The following SLC39A11 variants were observed in gnomAD, a reference collection of about 807,000 sequenced individuals.
The protein encoded by SLC39A11 is zinc transporter ZIP11.
A neutral mutation model predicts 36.1 loss-of-function variants in SLC39A11; 33 were observed. The observed-to-expected ratio is 0.91, with a 90% CI of 0.69 to 1.22. The LOEUF (loss-of-function observed/expected upper bound fraction) is 1.22. SLC39A11 is among the 50% of genes most tolerant of loss of function. The probability of loss-of-function intolerance (pLI) is 0.00; values close to 1 mark genes in which losing one functional copy is unlikely to be tolerated. For missense variants in SLC39A11, 432 were observed against 430.3 expected, an observed-to-expected ratio of 1.00 and a Z score of -0.03; for synonymous variants, 166 against 170.3, an observed-to-expected ratio of 0.97 and a Z score of 0.20.
At chr17:73,023,807 G>C (rs997450071) in intron 4 of SLC39A11, among the ~76,000 whole-genome samples, 1 of 152,168 alleles carries the variant, frequency 6.6e-6, no homozygotes, top group Non-Finnish European at 1.5e-5. Flanking sequence ...GTGCTGTTTG[G>C]GTGGGCCTTG....
intron 3 of SLC39A11, among the ~76,000 whole-genome samples, chr17:73,062,549 A>T (rs2059880673): frequency 6.6e-6 from 1 of 151,302 alleles, no homozygotes; most frequent in Non-Finnish European, 1.5e-5. Flanking sequence ...TTAAATTGCC[A>T]CCTTCAATAG....
intron 1 of SLC39A11, among the ~76,000 whole-genome samples, chr17:73,090,374 G>A (rs542185128): frequency 6.6e-6 from 1 of 152,182 alleles, no homozygotes; most frequent in East Asian, 1.9e-4. Flanking sequence ...CACCAACTGT[G>A]AAAACTGTGA....
At chr17:73,073,975 C>T (rs1160912524) in intron 3 of SLC39A11, 1 of 151,792 alleles carries the variant, frequency 6.6e-6, no homozygotes, top group African/African-American at 2.4e-5. Context: ...TCCAACACCC[C>T]TCACATTCCA....
chr17:72,672,192 T>A (rs1196907152), intron 7 of SLC39A11, among the ~76,000 whole-genome samples: 2 of 152,208 alleles, frequency 1.3e-5, no homozygotes, highest in African/African-American at 4.8e-5. Flanking sequence ...CTCATGCCTA[T>A]AATCTCAGCA....
intron 5 of SLC39A11, among the ~76,000 whole-genome samples, chr17:72,908,124 G>A (rs968461970): frequency 3.9e-5 from 6 of 152,098 alleles, no homozygotes; most frequent in African/African-American, 1.4e-4. Flanking sequence ...CTATGTTCTG[G>A]CATCCAGGGC....
intron 7 of SLC39A11, among the ~76,000 whole-genome samples, chr17:72,685,580 T>C (rs1173685933): frequency 6.6e-6 from 1 of 152,228 alleles, no homozygotes; most frequent in Non-Finnish European, 1.5e-5. Flanking sequence ...AAAGGTCAGT[T>C]TTCATCTGAC....
At chr17:72,971,303 C>T (rs1383447115) in intron 4 of SLC39A11, among the ~76,000 whole-genome samples, 1 of 151,246 alleles carries the variant, frequency 6.6e-6, no homozygotes, top group East Asian at 1.9e-4. Context: ...CTGCTCACCC[C>T]CTCCACACAC....
intron 7 of SLC39A11, among the ~76,000 whole-genome samples, chr17:72,657,876 G>A (rs1401892968): frequency 6.6e-6 from 1 of 152,190 alleles, no homozygotes; most frequent in Non-Finnish European, 1.5e-5. Context: ...TTAGCCCCTT[G>A]GATCTACTGC....
rs1266786709 is a variant in SLC39A11 at position 73,004,212 on chromosome 17, AAAGAAAGAAAGAAAG to A, written c.306+27329_306+27343del. Among the ~76,000 whole-genome samples the A allele has an allele frequency of 6.1e-5, 8 of 130,932 alleles. 1 individual carries two copies. Among genetic ancestry groups the A allele is most frequent in the Admixed American group, 3.2e-4 (4 of 12,606 alleles). 85.9% of individuals were successfully genotyped at this position (130,932 alleles called of 152,430 possible). ...GAAAGAAAGAAAGAAAGAAAGAAAG[AAAGAAAGAAAGAAAG>A]AAAGAAAAGAAAGAAAGAGAAAAAG... is the stretch of plus-strand genomic sequence containing the variant. On this transcript the variant is annotated intron_variant, in intron 4 of 9. Transcript: ENST00000255559.
chr17:72,670,198 C>G (rs1313135833), intron 7 of SLC39A11, among the ~76,000 whole-genome samples: 1 of 85,134 alleles, frequency 1.2e-5, no homozygotes, highest in Non-Finnish European at 2.4e-5. Flanking sequence ...CACACACACA[C>G]ACACACACAC....
intron 4 of SLC39A11, among the ~76,000 whole-genome samples, chr17:72,969,910 A>C (rs2344871): frequency 0.94 from 142,537 of 152,278 alleles, 66,978 homozygotes; most frequent in Non-Finnish European, 0.98. Context: ...CAGCCCCTGG[A>C]ACAGAGATTC....
chr17:72,968,064 C>T (rs865850899), intron 4 of SLC39A11, among the ~76,000 whole-genome samples: 1 of 152,172 alleles, frequency 6.6e-6, no homozygotes, highest in Non-Finnish European at 1.5e-5. Context: ...TCCTGCATCC[C>T]GGCCTGGGAG....
chr17:72,988,376 G>C (rs998867369), intron 4 of SLC39A11, among the ~76,000 whole-genome samples: 12 of 152,180 alleles, frequency 7.9e-5, no homozygotes, highest in Non-Finnish European at 1.5e-4. Flanking sequence ...CATGAGAATT[G>C]CTTGAACCTG....
At chr17:73,066,730 A>T (rs1449017484) in intron 3 of SLC39A11, among the ~76,000 whole-genome samples, 1 of 152,208 alleles carries the variant, frequency 6.6e-6, no homozygotes, top group Non-Finnish European at 1.5e-5. Flanking sequence ...CCACACAGGG[A>T]AAAGCAGGAC....
At chr17:72,989,288 TCA>T (rs763405685) in intron 4 of SLC39A11, among the ~76,000 whole-genome samples, 1 of 152,262 alleles carries the variant, frequency 6.6e-6, no homozygotes, top group South Asian at 2.1e-4. Flanking sequence ...TGGCTGTATT[TCA>T]CAGAGTTCTC....
chr17:72,911,504 T>C (rs1217121125), intron 5 of SLC39A11, among the ~76,000 whole-genome samples: 4 of 152,040 alleles, frequency 2.6e-5, no homozygotes, highest in Non-Finnish European at 5.9e-5. Flanking sequence ...GTTTGCTGGG[T>C]CCTGTCTGGA....
At chr17:72,927,280 T>C (rs2084105054) in intron 5 of SLC39A11, among the ~76,000 whole-genome samples, 1 of 152,186 alleles carries the variant, frequency 6.6e-6, no homozygotes, top group Non-Finnish European at 1.5e-5. Context: ...CAGGCTGCTC[T>C]TGAATTCCTC....
At chr17:72,677,641 G>A (rs1319465435) in intron 7 of SLC39A11, among the ~76,000 whole-genome samples, 2 of 152,130 alleles carry the variant, frequency 1.3e-5, no homozygotes, top group East Asian at 1.9e-4. Flanking sequence ...GTGTGCATCC[G>A]AATCACCTGG....
chr17:72,818,010 A>G (rs1430662361), intron 6 of SLC39A11: 3 of 152,160 alleles, frequency 2.0e-5, no homozygotes, highest in Non-Finnish European at 4.4e-5. Context: ...ATCAGATATC[A>G]TGAGAACTCA....
Sources: allele counts gnomAD v4.1 joint callset (sites outside exome capture counted in the v4.1 genomes callset), GRCh38; gene constraint gnomAD v4.1.1; transcripts MANE v1.5; gene names NCBI Gene and HGNC (gene_info 2026-07-23, HGNC 2026-07-21).